The following ATP8A2 variants were observed in gnomAD, a reference collection of about 807,000 sequenced individuals.
ATP8A2 encodes the protein ATPase phospholipid transporting 8A2.
A neutral mutation model predicts 165.6 loss-of-function variants in ATP8A2; 100 were observed. The observed-to-expected ratio is 0.60, with a 90% confidence interval of 0.51 to 0.71. The LOEUF (loss-of-function observed/expected upper bound fraction) is 0.71, where lower values mean the gene tolerates loss of function less well. Ranked by LOEUF, ATP8A2 falls within the 30% of genes least tolerant of loss-of-function variation. The probability of loss-of-function intolerance (pLI) is 0.00; values close to 1 mark genes in which losing one functional copy is unlikely to be tolerated. For synonymous variants in ATP8A2, 543 were observed against 548.8 expected, an observed-to-expected ratio of 0.99 and a Z score of 0.15; for missense variants, 1,227 against 1,479.5, an observed-to-expected ratio of 0.83 and a Z score of 2.80.
intron 29 of ATP8A2, among the ~76,000 whole-genome samples, chr13:25,838,740 A>T (rs1951685729): frequency 6.6e-6 from 1 of 152,184 alleles, no homozygotes; most frequent in African/African-American, 2.4e-5. Context: ...AATAAATTTA[A>T]TCTGGCTTTA....
chr13:25,982,631 T>C (rs1956193122), intron 35 of ATP8A2, among the ~76,000 whole-genome samples: 1 of 152,216 alleles, frequency 6.6e-6, no homozygotes, highest in African/African-American at 2.4e-5. Context: ...ATAAACTATG[T>C]GATTGCAATG....
chr13:25,476,046 A>G (rs1176090771), intron 2 of ATP8A2, among the ~76,000 whole-genome samples: 2 of 152,202 alleles, frequency 1.3e-5, no homozygotes, highest in East Asian at 3.8e-4. Context: ...ATAATTCTAA[A>G]AGAATATTTT....
chr13:25,821,083 A>G (rs933729417), intron 27 of ATP8A2, among the ~76,000 whole-genome samples: 10 of 152,248 alleles, frequency 6.6e-5, no homozygotes, highest in African/African-American at 2.2e-4. Flanking sequence ...CTTCTCAAAA[A>G]GCTGCAGCAC....
intron 9 of ATP8A2, among the ~76,000 whole-genome samples, chr13:25,542,462 T>C (rs774316437): frequency 6.6e-6 from 1 of 152,086 alleles, no homozygotes; most frequent in African/African-American, 2.4e-5. Flanking sequence ...TGAACACTTA[T>C]TCTTCCTTTA....
intron 33 of ATP8A2, among the ~76,000 whole-genome samples, chr13:25,892,806 GTT>G (rs35638068): frequency 9.1e-5 from 13 of 142,296 alleles, no homozygotes; most frequent in African/African-American, 2.0e-4. Context: ...TTTTTAGTCT[GTT>G]TTTTTTTTTT....
At chr13:26,010,497 C>T (rs1430075304) in intron 35 of ATP8A2, among the ~76,000 whole-genome samples, 1 of 152,252 alleles carries the variant, frequency 6.6e-6, no homozygotes, top group South Asian at 2.1e-4. Flanking sequence ...GGGTGAGGGG[C>T]CCCCTCTGCA....
At chr13:25,720,185 T>TTTTTTTTTTTA (rs2043346361) in intron 25 of ATP8A2, among the ~76,000 whole-genome samples, 1 of 143,402 alleles carries the variant, frequency 7.0e-6, no homozygotes, top group African/African-American at 2.7e-5. Context: ...TTTTTTTTTT[T>TTTTTTTTTTTA]GAGAAGGAAT....
chr13:25,860,089 CTG>C (rs1952300226), intron 30 of ATP8A2, 104 bp from the exon 31 acceptor site: 2 of 662,634 alleles, frequency 3.0e-6, no homozygotes, highest in Non-Finnish European at 5.5e-6. Flanking sequence ...TTGAAATACT[CTG>C]TGAGTTGATT....
intron 25 of ATP8A2, among the ~76,000 whole-genome samples, chr13:25,724,199 A>G (rs2043445722): frequency 6.6e-6 from 1 of 152,358 alleles, no homozygotes; most frequent in Middle Eastern, 3.4e-3. Flanking sequence ...TCATGCAGCA[A>G]TAGAAAACTA....
At chr13:25,511,411 G>A (rs1254891010) in intron 2 of ATP8A2, among the ~76,000 whole-genome samples, 2 of 152,136 alleles carry the variant, frequency 1.3e-5, no homozygotes, top group African/African-American at 2.4e-5. Flanking sequence ...GCTGTAAAGT[G>A]GTCATCCCAG....
intron 1 of ATP8A2, among the ~76,000 whole-genome samples, chr13:25,419,668 G>A (rs1332161147): frequency 6.6e-6 from 1 of 152,156 alleles, no homozygotes; most frequent in Non-Finnish European, 1.5e-5. Flanking sequence ...TAATGTTTTA[G>A]TACAAGTGTT....
At chr13:26,012,232 T>C (rs1593713594) in intron 35 of ATP8A2, among the ~76,000 whole-genome samples, 1 of 152,236 alleles carries the variant, frequency 6.6e-6, no homozygotes, top group South Asian at 2.1e-4. Context: ...AGGCCTCTCC[T>C]TGGAGAAGTG....
At chr13:26,016,769 G>C (rs1956985589) in intron 36 of ATP8A2, among the ~76,000 whole-genome samples, 1 of 152,206 alleles carries the variant, frequency 6.6e-6, no homozygotes, top group South Asian at 2.1e-4. Flanking sequence ...AGGCCTCCGT[G>C]TTGGTGCAGT....
chr13:25,386,951 CG>C (rs1226919478), intron 1 of ATP8A2, among the ~76,000 whole-genome samples: 1 of 125,810 alleles, frequency 7.9e-6, no homozygotes, highest in Non-Finnish European at 1.8e-5. Context: ...GAGCCGAGAT[CG>C]CGCCCTTGCA....
At position 26,023,489 on chromosome 13, in the gene ATP8A2, G is replaced by A. The variant is rs1277829727; in HGVS notation, c.*3504G>A. 1 of 152,130 alleles carries A rather than the reference G, an allele frequency of 6.6e-6. No individual in the cohort carries two copies. The highest frequency in any genetic ancestry group is 1.9e-4 in the East Asian group (1 of 5,182). 9.4% of individuals were successfully genotyped at this position (152,130 alleles called of 1,614,324 possible). The stretch of plus-strand genomic sequence containing the variant: ...TCAAGAAGCAGTGAAAAATGCGGGG[G>A]GGTGGAAAGAGCCTAGGTAACTAAT... On this transcript the variant is annotated 3_prime_UTR_variant, in exon 37 of 37. Coordinates refer to ENST00000381655, the MANE Select transcript of ATP8A2 (RefSeq NM_016529.6).
intron 10 of ATP8A2, among the ~76,000 whole-genome samples, chr13:25,550,378 T>A (rs944221065): frequency 6.0e-5 from 9 of 150,730 alleles, no homozygotes; most frequent in African/African-American, 2.2e-4. Context: ...GAGGAGGGGG[T>A]GGTCATTAGT....
In ATP8A2 at chr13:26,021,889, G is replaced by A. The variant is rs1388706024; in HGVS notation, c.*1904G>A. ...GCACTTTGCTTCCTAACCCTTTTTT[G>A]TCAGAAATCTACAACCTACTGGGCA... is the stretch of plus-strand genomic sequence containing the variant. On this transcript the variant is annotated 3_prime_UTR_variant, in exon 37 of 37. Transcript: ENST00000381655. 1.3e-5 allele frequency: 2 copies of A among 151,964 alleles called. No homozygotes were observed. Among genetic ancestry groups the A allele is most frequent in the African/African-American group, 2.4e-5 (1 of 41,384 alleles). 9.4% of individuals were successfully genotyped at this position (151,964 alleles called of 1,614,324 possible).
chr13:25,852,345 T>C (rs1314218377), intron 30 of ATP8A2, among the ~76,000 whole-genome samples: 1 of 152,156 alleles, frequency 6.6e-6, no homozygotes, highest in Non-Finnish European at 1.5e-5. Flanking sequence ...CAAAGAATTA[T>C]CTGGCCCAAA....
chr13:25,925,711 C>G (rs969902738), intron 33 of ATP8A2, among the ~76,000 whole-genome samples: 2 of 145,078 alleles, frequency 1.4e-5, no homozygotes, highest in Non-Finnish European at 3.0e-5. Context: ...AAAAAATTAA[C>G]TTGGCTAAAG....
Sources: gnomAD v4.1 joint callset for allele counts (sites outside exome capture counted in the v4.1 genomes callset) on GRCh38, gnomAD v4.1.1 for gene constraint, MANE v1.5 for transcripts, NCBI Gene and HGNC (gene_info 2026-07-23, HGNC 2026-07-21) for gene names.